The following LINC01488 variants were observed in gnomAD, a reference collection of about 807,000 sequenced individuals.
The protein encoded by LINC01488 is CCND1-upstream intergenic DNA repair 1.
chr11:69,482,511 G>C (rs1357319469), intron 1 of LINC01488, among the ~76,000 whole-genome samples: 6 of 152,056 alleles, frequency 3.9e-5, no homozygotes, highest in African/African-American at 1.4e-4. Context: ...TGGATGAGTG[G>C]ATGGACGGAT....
intron 1 of LINC01488, among the ~76,000 whole-genome samples, chr11:69,488,479 C>T (rs1021626161): frequency 1.4e-4 from 22 of 152,294 alleles, no homozygotes; most frequent in African/African-American, 5.1e-4. Context: ...CTCCTCTGAG[C>T]CCCCGAGGTG....
chr11:69,484,769 C>G (rs4980659), intron 1 of LINC01488, among the ~76,000 whole-genome samples: 56,160 of 152,166 alleles, frequency 0.37, 12,162 homozygotes, highest in Middle Eastern at 0.53. Flanking sequence ...ACTCCTGGGG[C>G]CTCGTCTTCA....
chr11:69,493,205 A>G (rs1355600807), exon 4 of LINC01488: 4 of 152,252 alleles, frequency 2.6e-5, no homozygotes, highest in Non-Finnish European at 5.9e-5. Context: ...AAGGCATTTT[A>G]ACCAACACCA....
intron 1 of LINC01488, among the ~76,000 whole-genome samples, chr11:69,487,513 G>A (rs1023578951): frequency 5.3e-5 from 8 of 152,338 alleles, no homozygotes; most frequent in Admixed American, 3.9e-4. Flanking sequence ...TTTGGCCTCC[G>A]CCCTGTCCTC....
intron 1 of LINC01488, among the ~76,000 whole-genome samples, chr11:69,482,077 C>G (rs567007594): frequency 6.6e-6 from 1 of 151,704 alleles, no homozygotes; most frequent in East Asian, 2.0e-4. Context: ...AAAGACATAC[C>G]TGAGACTGCA....
chr11:69,485,504 A>G (rs1362351921), intron 1 of LINC01488: 3 of 152,198 alleles, frequency 2.0e-5, no homozygotes, highest in African/African-American at 7.2e-5. Context: ...ATGAGGTGGG[A>G]CCCTCTCTTG....
At chr11:69,486,985 C>T (rs750900495) in intron 1 of LINC01488, among the ~76,000 whole-genome samples, 10 of 152,172 alleles carry the variant, frequency 6.6e-5, no homozygotes, top group Non-Finnish European at 1.3e-4. Context: ...CCCGAAAAGC[C>T]GTGCTGGGGG....
At chr11:69,483,577 G>C (rs934209322) in intron 1 of LINC01488, among the ~76,000 whole-genome samples, 22 of 152,314 alleles carry the variant, frequency 1.4e-4, no homozygotes, top group African/African-American at 5.0e-4. Flanking sequence ...GTCGGGACTT[G>C]TCTGTGACCC....
chr11:69,486,487 C>T (rs528727687), intron 1 of LINC01488, among the ~76,000 whole-genome samples: 11 of 152,358 alleles, frequency 7.2e-5, no homozygotes, highest in South Asian at 2.1e-4. Flanking sequence ...GCGCAAAAGC[C>T]GTGTCTCTGC....
At chr11:69,482,914 G>A (rs1857062591) in intron 1 of LINC01488, among the ~76,000 whole-genome samples, 2 of 152,074 alleles carry the variant, frequency 1.3e-5, no homozygotes, top group Non-Finnish European at 2.9e-5. Context: ...ATCTTATGAG[G>A]ATGCCAGTCA....
chr11:69,484,041 T>G (rs1038473426), intron 1 of LINC01488, among the ~76,000 whole-genome samples: 2 of 152,174 alleles, frequency 1.3e-5, no homozygotes, highest in Non-Finnish European at 2.9e-5. Context: ...TCTCCAGGCC[T>G]CAGGTTCCCA....
intron 1 of LINC01488, chr11:69,481,884 T>A (rs1057476230): frequency 1.3e-5 from 2 of 151,800 alleles, no homozygotes; most frequent in Non-Finnish European, 2.9e-5. Context: ...GACGGGTGGA[T>A]GATTGAATGG....
At position 69,488,642 on chromosome 11, in the gene LINC01488, C is replaced by T. The variant is rs573660600; in HGVS notation, n.123-1853C>T. 1.9e-4 allele frequency among the ~76,000 whole-genome samples: 29 copies of T among 152,378 alleles called. No homozygotes were observed. The South Asian group carries it at 5.8e-3, about 30-fold the overall frequency. On this transcript the variant is annotated intron_variant and non_coding_transcript_variant, in intron 1 of 3. Transcript: ENST00000644563. ...GGAACGTTGTGCCGCCTGTCGGGGG[C>T]GATCACCATGCTTGCCCATCAGAGC...
At chr11:69,484,527 C>T (rs79504706) in intron 1 of LINC01488, among the ~76,000 whole-genome samples, 2,733 of 152,346 alleles carry the variant, frequency 0.018, 93 homozygotes, top group African/African-American at 0.062. Context: ...AGGACACTTA[C>T]AGAGGTGTTT....
At chr11:69,483,566 C>T (rs1455044790) in intron 1 of LINC01488, among the ~76,000 whole-genome samples, 1 of 152,130 alleles carries the variant, frequency 6.6e-6, no homozygotes, top group Non-Finnish European at 1.5e-5. Context: ...GGTAGAACAG[C>T]GTCGGGACTT....
At chr11:69,485,120 T>C (rs532767465) in intron 1 of LINC01488, among the ~76,000 whole-genome samples, 1 of 152,282 alleles carries the variant, frequency 6.6e-6, no homozygotes, top group South Asian at 2.1e-4. Context: ...GGCCAGATCC[T>C]CCAGGTCAGG....
In LINC01488 at chr11:69,489,290, C is replaced by T. The variant is rs1036903421; in HGVS notation, n.123-1205C>T. Among the ~76,000 whole-genome samples the T allele has an allele frequency of 6.6e-5, 10 of 152,276 alleles. No individual in the cohort carries two copies. In the East Asian group the frequency reaches 1.9e-3, roughly 30 times the overall value. ...CCACTTGGAGCTGGTTTCTCCGAAA[C>T]TGAAATGAGGGAGCTCAAGACTCCC... On this transcript the variant is annotated intron_variant and non_coding_transcript_variant, in intron 1 of 3. Transcript: ENST00000644563.
chr11:69,489,266 C>T (rs940745501), intron 1 of LINC01488, among the ~76,000 whole-genome samples: 4 of 152,216 alleles, frequency 2.6e-5, no homozygotes, highest in African/African-American at 7.2e-5. Context: ...ACCTGCTCCC[C>T]ACTTGGAGCT....
At chr11:69,485,524 G>A (rs555736610) in intron 1 of LINC01488, 1 of 152,432 alleles carries the variant, frequency 6.6e-6, no homozygotes, top group East Asian at 1.9e-4. Flanking sequence ...GGGGGCGTGA[G>A]CTAGAAGAGC....
Sources: allele counts gnomAD v4.1 joint callset (sites outside exome capture counted in the v4.1 genomes callset), GRCh38; gene constraint gnomAD v4.1.1; transcripts MANE v1.5; gene names NCBI Gene and HGNC (gene_info 2026-07-23, HGNC 2026-07-21).